The following GSK3B variants were observed in gnomAD, a reference collection of about 807,000 sequenced individuals.
GSK3B encodes glycogen synthase kinase-3 beta.
A neutral mutation model predicts 56.4 loss-of-function variants in GSK3B; 15 were observed. The ratio of observed to expected loss-of-function variants is 0.27; its 90% CI spans 0.18 to 0.41. The LOEUF is 0.41. Among genes scored for constraint, GSK3B ranks in the 10% least tolerant of loss-of-function variants. GSK3B has a pLI of 1.00. For missense variants in GSK3B, 300 were observed against 513.4 expected (o/e 0.58, Z 4.02); for synonymous variants, 181 against 188.9 (o/e 0.96, Z 0.34).
chr3:119,937,212 A>T (rs148257734), intron 3 of GSK3B, among the ~76,000 whole-genome samples: 253 of 152,166 alleles, frequency 1.7e-3, no homozygotes, highest in Middle Eastern at 3.4e-3. Context: ...TCATGGTAAA[A>T]CTTGATCCTC....
chr3:119,869,437 A>G (rs905598776), intron 8 of GSK3B, among the ~76,000 whole-genome samples: 4 of 152,150 alleles, frequency 2.6e-5, no homozygotes, highest in Non-Finnish European at 4.4e-5. Flanking sequence ...GGTAGGATAC[A>G]CAAACTGAAT....
At chr3:119,964,384 A>T (rs1033834818) in intron 2 of GSK3B, among the ~76,000 whole-genome samples, 1 of 152,260 alleles carries the variant, frequency 6.6e-6, no homozygotes, top group African/African-American at 2.4e-5. Flanking sequence ...TGAATTGATA[A>T]GAAAAATGTG....
At chr3:119,949,936 C>T (rs887683260) in intron 2 of GSK3B, among the ~76,000 whole-genome samples, 5 of 150,728 alleles carry the variant, frequency 3.3e-5, no homozygotes, top group African/African-American at 4.9e-5. Flanking sequence ...AATCCTTATA[C>T]GACATTCATG....
chr3:119,830,026 C>A (rs1335614882), intron 10 of GSK3B, among the ~76,000 whole-genome samples: 1 of 152,184 alleles, frequency 6.6e-6, no homozygotes, highest in African/African-American at 2.4e-5. Flanking sequence ...GAACAGAGTT[C>A]TCTTTTTCAG....
intron 2 of GSK3B, among the ~76,000 whole-genome samples, chr3:119,974,505 A>G (rs2057394007): frequency 6.6e-6 from 1 of 152,190 alleles, no homozygotes; most frequent in Admixed American, 6.5e-5. Context: ...CACAGCAAGA[A>G]GGCACTATCT....
intron 7 of GSK3B, among the ~76,000 whole-genome samples, chr3:119,880,576 G>T (rs1387793735): frequency 6.6e-6 from 1 of 152,098 alleles, no homozygotes. Flanking sequence ...AGGATATTCT[G>T]AGCTACAGAA....
chr3:119,905,636 T>TG, intron 7 of GSK3B, 119 bp downstream of exon 7: 1 of 680,444 alleles, frequency 1.5e-6, no homozygotes, highest in Admixed American at 2.1e-5. Flanking sequence ...ACTTGCTACG[T>TG]GACCTTGGAT....
intron 3 of GSK3B, among the ~76,000 whole-genome samples, chr3:119,929,497 G>C (rs1286487881): frequency 3.3e-5 from 5 of 152,166 alleles, no homozygotes; most frequent in Non-Finnish European, 7.4e-5. Flanking sequence ...ACCAGGCGCA[G>C]TGGCTCATGC....
intron 3 of GSK3B, among the ~76,000 whole-genome samples, chr3:119,938,402 A>AT (rs1238486808): frequency 6.6e-6 from 1 of 152,122 alleles, no homozygotes; most frequent in Non-Finnish European, 1.5e-5. Flanking sequence ...ATGAAATCTA[A>AT]TAGCATATTA....
intron 1 of GSK3B, among the ~76,000 whole-genome samples, chr3:120,050,293 C>T (rs1289584595): frequency 2.0e-5 from 3 of 152,234 alleles, no homozygotes; most frequent in Non-Finnish European, 4.4e-5. Context: ...CATCTCTTAA[C>T]ACTGCCACAT....
At chr3:120,056,933 A>C (rs2058196178) in intron 1 of GSK3B, among the ~76,000 whole-genome samples, 1 of 152,196 alleles carries the variant, frequency 6.6e-6, no homozygotes, top group Non-Finnish European at 1.5e-5. Flanking sequence ...ACTGGAGGCC[A>C]GTAGCTCAAG....
chr3:119,920,103 A>G (rs1345835382), intron 4 of GSK3B, among the ~76,000 whole-genome samples: 1 of 152,230 alleles, frequency 6.6e-6, no homozygotes, highest in Non-Finnish European at 1.5e-5. Context: ...TGTTTTGTCA[A>G]TCTTGCTTTG....
intron 3 of GSK3B, among the ~76,000 whole-genome samples, chr3:119,933,595 C>T (rs757838697): frequency 3.3e-5 from 5 of 151,996 alleles, no homozygotes; most frequent in Admixed American, 1.3e-4. Flanking sequence ...GCACAGGAGC[C>T]GCCAAGCGCG....
chr3:119,998,551 G>T (rs904979213), intron 2 of GSK3B, among the ~76,000 whole-genome samples: 3 of 152,182 alleles, frequency 2.0e-5, no homozygotes, highest in African/African-American at 7.2e-5. Flanking sequence ...AATCTTTGTT[G>T]CTCTACAAGA....
At chr3:120,031,524 C>CT (rs2107522038) in intron 1 of GSK3B, among the ~76,000 whole-genome samples, 1 of 152,220 alleles carries the variant, frequency 6.6e-6, no homozygotes, top group South Asian at 2.1e-4. Context: ...CTTCCTAAGC[C>CT]TTTTTTTCCC....
intron 4 of GSK3B, among the ~76,000 whole-genome samples, chr3:119,916,576 T>C (rs1027852713): frequency 1.3e-5 from 2 of 152,200 alleles, no homozygotes; most frequent in Non-Finnish European, 1.5e-5. Flanking sequence ...CCAGGTCTCC[T>C]GATTTTTAAG....
intron 9 of GSK3B, among the ~76,000 whole-genome samples, chr3:119,857,636 C>T (rs1031199153): frequency 5.3e-5 from 8 of 152,170 alleles, no homozygotes; most frequent in Non-Finnish European, 1.2e-4. Flanking sequence ...ATCCATGAGG[C>T]TTGGGATTAA....
In GSK3B at chr3:120,002,067, T is replaced by C. The variant is rs140229288; in HGVS notation, c.261A>G (p.Val87=). 29 of 1,603,614 alleles carry C rather than the reference T, an allele frequency of 1.8e-5. No homozygotes were observed. Among genetic ancestry groups the C allele is most frequent in the Non-Finnish European group, 2.5e-5 (29 of 1,175,884 alleles). Residue 87 remains valine (V), a synonymous_variant, in exon 2 of 11, where the codon GTA becomes GTG. Coordinates refer to ENST00000264235, the MANE Select transcript of GSK3B (RefSeq NM_001146156.2). ...DSGELVAIKK[V]LQDKRFKNRE... ...TTACCTTAAATCTCTTGTCCTGCAA[T>C]ACTTTCTTGATGGCGACCAGTTCTC...
rs180982665 is a variant in GSK3B at position 119,835,740 on chromosome 3, A to T, written c.1195+7515T>A. On this transcript the variant is annotated intron_variant, in intron 10 of 10. Transcript: ENST00000264235. ...TCTATTTGGGTTAAGATAAAGAGAA[A>T]ACAGGAAGAACAAGTTTACAAAGAG... Among the ~76,000 whole-genome samples, 430 of 152,242 alleles carry T rather than the reference A, an allele frequency of 2.8e-3. 2 individuals are homozygous for T. The highest frequency in any genetic ancestry group is 4.5e-3 in the Non-Finnish European group (307 of 68,022).
Sources: allele counts gnomAD v4.1 joint callset (sites outside exome capture counted in the v4.1 genomes callset), GRCh38; gene constraint gnomAD v4.1.1; transcripts MANE v1.5; gene names NCBI Gene and HGNC (gene_info 2026-07-23, HGNC 2026-07-21).